Variants in MAP2 observed in about 807,000 individuals in gnomAD.
The protein encoded by MAP2 is microtubule-associated protein 2.
In MAP2, 14 loss-of-function variants were observed where a neutral mutation model predicts 137.6. The ratio of observed to expected loss-of-function variants is 0.10; its 90% CI spans 0.07 to 0.16. The LOEUF (loss-of-function observed/expected upper bound fraction) is 0.16. MAP2 is among the 10% of genes least tolerant of loss of function. The pLI, the probability that MAP2 is intolerant of heterozygous loss-of-function variation, is 1.00. For synonymous variants in MAP2, 786 were observed against 782.3 expected, an observed-to-expected ratio of 1.00 and a Z score of -0.08; for missense variants, 2,088 against 2,191.5, an observed-to-expected ratio of 0.95 and a Z score of 0.94.
intron 3 of MAP2, among the ~76,000 whole-genome samples, chr2:209,595,252 C>T (rs1043484484): frequency 3.9e-5 from 6 of 152,082 alleles, no homozygotes; most frequent in African/African-American, 1.4e-4. Context: ...CTTGTCTTGG[C>T]AATATTAAGA....
At chr2:209,489,424 A>C (rs1235898915) in intron 1 of MAP2, among the ~76,000 whole-genome samples, 1 of 152,154 alleles carries the variant, frequency 6.6e-6, no homozygotes, top group African/African-American at 2.4e-5. Flanking sequence ...AGGGAACAAA[A>C]CTGGACGGAG....
chr2:209,458,309 A>G (rs1166750678), intron 1 of MAP2, among the ~76,000 whole-genome samples: 1 of 152,034 alleles, frequency 6.6e-6, no homozygotes, highest in Non-Finnish European at 1.5e-5. Context: ...CTCCCTAACA[A>G]CTCAAAGACT....
chr2:209,482,365 G>T (rs1274883994), intron 1 of MAP2, among the ~76,000 whole-genome samples: 1 of 152,070 alleles, frequency 6.6e-6, no homozygotes, highest in Non-Finnish European at 1.5e-5. Flanking sequence ...GAGAATTAAG[G>T]TTAAAATTCA....
intron 1 of MAP2, among the ~76,000 whole-genome samples, chr2:209,494,194 A>C (rs936724095): frequency 6.6e-6 from 1 of 152,134 alleles, no homozygotes; most frequent in African/African-American, 2.4e-5. Context: ...CAGAAAACCA[A>C]ACACCACACA....
chr2:209,518,291 C>G (rs1354127395), intron 2 of MAP2, among the ~76,000 whole-genome samples: 1 of 151,992 alleles, frequency 6.6e-6, no homozygotes, highest in South Asian at 2.1e-4. Flanking sequence ...ATGATACAAT[C>G]AAATACTAAG....
chr2:209,464,370 A>G (rs1165322204), intron 1 of MAP2, among the ~76,000 whole-genome samples: 2 of 152,110 alleles, frequency 1.3e-5, no homozygotes, highest in Non-Finnish European at 2.9e-5. Flanking sequence ...AAATCTCTAC[A>G]TGTGATTATT....
chr2:209,641,133 A>G (rs2093992887), intron 4 of MAP2, among the ~76,000 whole-genome samples: 1 of 151,922 alleles, frequency 6.6e-6, no homozygotes, highest in Non-Finnish European at 1.5e-5. Flanking sequence ...GGTATCTCAA[A>G]CCCAAGGATC....
At chr2:209,482,227 T>C (rs190370020) in intron 1 of MAP2, among the ~76,000 whole-genome samples, 33 of 152,340 alleles carry the variant, frequency 2.2e-4, no homozygotes, top group Non-Finnish European at 3.7e-4. Context: ...GGCAGAGTGC[T>C]ATGCTTGCTT....
intron 3 of MAP2, among the ~76,000 whole-genome samples, 175 bp downstream of exon 3, chr2:209,580,275 G>T (rs1176073598): frequency 6.6e-6 from 1 of 152,022 alleles, no homozygotes; most frequent in Non-Finnish European, 1.5e-5. Flanking sequence ...AGGTTGTTTT[G>T]ATTAGAGGAT....
intron 4 of MAP2, among the ~76,000 whole-genome samples, chr2:209,639,563 A>G (rs763917843): frequency 6.6e-6 from 1 of 152,086 alleles, no homozygotes; most frequent in Non-Finnish European, 1.5e-5. Flanking sequence ...TGCTGGATCA[A>G]TCATCCTAAA....
rs373376730 is a variant in MAP2, at chr2:209,576,040, G to A, written c.-171-3996G>A. Among the ~76,000 whole-genome samples, 17 of 152,178 alleles carry A rather than the reference G, an allele frequency of 1.1e-4. No individual in the cohort carries two copies. In the East Asian group the frequency reaches 1.7e-3, roughly 16 times the overall value. On this transcript the variant is annotated intron_variant, in intron 2 of 15. Coordinates refer to ENST00000682079, the MANE Select transcript of MAP2 (RefSeq NM_001375505.1). Reference sequence around the variant, plus strand: ...AGTTTAGGTAGTCATACACAAATACGCAGACCAATATATTTAGGGAATGAA... The same window carrying A: ...AGTTTAGGTAGTCATACACAAATACACAGACCAATATATTTAGGGAATGAA...
intron 5 of MAP2, among the ~76,000 whole-genome samples, chr2:209,661,865 G>A (rs989706653): frequency 6.6e-6 from 1 of 152,050 alleles, no homozygotes; most frequent in Non-Finnish European, 1.5e-5. Flanking sequence ...TACAATATGA[G>A]GTTGTATATA....
At chr2:209,428,967 ATTTT>A (rs1226868175) in intron 1 of MAP2, among the ~76,000 whole-genome samples, 1 of 127,034 alleles carries the variant, frequency 7.9e-6, no homozygotes, top group Admixed American at 7.8e-5. Context: ...TTATTTATTT[ATTTT>A]GAGACGGAGT....
chr2:209,523,120 G>T (rs1353772557), intron 2 of MAP2, among the ~76,000 whole-genome samples: 2 of 151,772 alleles, frequency 1.3e-5, no homozygotes, highest in Non-Finnish European at 2.9e-5. Flanking sequence ...GTTTTTTTCT[G>T]TTAGGAGTGA....
chr2:209,730,833 C>CT lies in MAP2; in HGVS notation c.*437dup, dbSNP rs2075691794. ...TTCAGGTTAAATTAAACCAAGGAGT[C>CT]TGATTGCAGGAAGGGAAGAGCATGT... On this transcript the variant is annotated 3_prime_UTR_variant, in exon 16 of 16. Transcript: ENST00000682079. 6.3e-6 allele frequency: 1 copy of CT among 157,910 alleles called. No homozygotes were observed. The highest frequency in any genetic ancestry group is 1.4e-5 in the Non-Finnish European group (1 of 71,496). 9.8% of individuals were successfully genotyped at this position (157,910 alleles called of 1,614,324 possible). A position where few individuals can be genotyped will look rare whatever the true frequency, so the allele number is the denominator to read the frequency against.
Position 209,436,216 on chromosome 2 carries a change from A to G in MAP2, c.-222+11940A>G, listed in dbSNP as rs1326473652. 2.6e-5 allele frequency among the ~76,000 whole-genome samples: 4 copies of G among 151,262 alleles called. No individual in the cohort carries two copies. In the South Asian group the frequency reaches 8.3e-4, roughly 31 times the overall value. On this transcript the variant is annotated intron_variant, in intron 1 of 15. Coordinates refer to ENST00000682079, the MANE Select transcript of MAP2 (RefSeq NM_001375505.1). ...TTAACAAATTGTCTTTCAGAAGATT[A>G]CAAACACATTCTTGTTAGATATTTA...
chr2:209,570,368 C>A (rs1002196866), intron 2 of MAP2, among the ~76,000 whole-genome samples: 1 of 151,786 alleles, frequency 6.6e-6, no homozygotes, highest in Non-Finnish European at 1.5e-5. Flanking sequence ...TCTGCTCTAC[C>A]ACTTACCAGC....
chr2:209,598,131 A>G (rs1356439340), intron 3 of MAP2, among the ~76,000 whole-genome samples: 3 of 151,880 alleles, frequency 2.0e-5, no homozygotes. Flanking sequence ...TCAGCCTCCC[A>G]CGTAGCTGGG....
Position 209,729,980 on chromosome 2 carries a change from GA to G in MAP2, c.5268+19del, listed in dbSNP as rs754736386. The G allele has an allele frequency of 2.4e-5, 36 of 1,490,660 alleles. No individual in the cohort carries two copies. The African/African-American group carries it at 5.5e-4, about 23-fold the overall frequency. The allele number at this position is 1,490,660 out of a possible 1,614,324, so 92.3% of individuals were successfully genotyped here. On this transcript the variant is annotated intron_variant, in intron 15 of 15. Coordinates refer to ENST00000682079, the MANE Select transcript of MAP2 (RefSeq NM_001375505.1). The stretch of plus-strand genomic sequence containing the variant: ...ATGTCAAGGTAAGAAACAAGGTTAT[GA>G]GCCAATCTTGTCTTTTTAAAAAAAA...
Sources: gnomAD v4.1 joint callset for allele counts (sites outside exome capture counted in the v4.1 genomes callset) on GRCh38, gnomAD v4.1.1 for gene constraint, MANE v1.5 for transcripts, NCBI Gene and HGNC (gene_info 2026-07-23, HGNC 2026-07-21) for gene names.